NTS: variants seen among roughly 807,000 people sequenced by gnomAD.
NTS encodes the protein neurotensin, also known as neurotensin/neuromedin N.
A neutral mutation model predicts 19.5 loss-of-function variants in NTS; 20 were observed. That is an observed-to-expected ratio of 1.02 (90% CI 0.72 to 1.49). The LOEUF (loss-of-function observed/expected upper bound fraction) is 1.49. NTS is among the 40% of genes most tolerant of loss of function. The pLI is 0.00. For synonymous variants in NTS, 71 were observed against 63.3 expected, an observed-to-expected ratio of 1.12 and a Z score of -0.58; for missense variants, 215 against 193.1, an observed-to-expected ratio of 1.11 and a Z score of -0.67.
chr12:85,877,168 G>A (rs907979574), intron 2 of NTS, among the ~76,000 whole-genome samples: 2 of 152,106 alleles, frequency 1.3e-5, no homozygotes, highest in Non-Finnish European at 2.9e-5. Context: ...TGGTAAGCAG[G>A]AGCATTGAGA....
At chr12:85,877,894 C>T (rs1565770093) in intron 2 of NTS, 2 of 152,326 alleles carry the variant, frequency 1.3e-5, no homozygotes, top group Admixed American at 1.3e-4. Context: ...CTACCCATAA[C>T]AATTATTAAT....
At chr12:85,875,838 G>A (rs912176270) in intron 1 of NTS, among the ~76,000 whole-genome samples, 1 of 151,932 alleles carries the variant, frequency 6.6e-6, no homozygotes, top group Non-Finnish European at 1.5e-5. Flanking sequence ...TTCTCCAATT[G>A]TGGCATTTCT....
rs1018773322 is a variant in NTS, at chr12:85,874,325, G to C, written c.-79G>C. On this transcript the variant is annotated 5_prime_UTR_variant, in exon 1 of 4. Coordinates refer to ENST00000256010, the MANE Select transcript of NTS (RefSeq NM_006183.5). ...TCACTCACTTTCAAAGCCAGCTGAA[G>C]GAAAGAGGAAGTGCTAGAGAGAGCC... 3.1e-6 allele frequency: 3 copies of C among 978,146 alleles called. No individual in the cohort carries two copies. The highest frequency in any genetic ancestry group is 5.0e-6 in the Non-Finnish European group (3 of 605,452). The allele number at this position is 978,146 out of a possible 1,614,324, so 60.6% of individuals were successfully genotyped here.
intron 3 of NTS, among the ~76,000 whole-genome samples, chr12:85,881,133 A>C (rs1881493546): frequency 6.6e-6 from 1 of 152,318 alleles, no homozygotes; most frequent in African/African-American, 2.4e-5. Flanking sequence ...GATTTAAAAT[A>C]AAATGATAAT....
chr12:85,880,211 A>G (rs1881471143), intron 3 of NTS, among the ~76,000 whole-genome samples: 1 of 152,052 alleles, frequency 6.6e-6, no homozygotes, highest in South Asian at 2.1e-4. Context: ...TGTACTTGCA[A>G]AATGCTTTAC....
intron 1 of NTS, among the ~76,000 whole-genome samples, chr12:85,876,242 T>A (rs1172437531): frequency 6.6e-6 from 1 of 151,954 alleles, no homozygotes; most frequent in Non-Finnish European, 1.5e-5. Context: ...ATAGTCTTCA[T>A]TATGTTGTGT....
In NTS at chr12:85,874,373, T is replaced by G; in HGVS notation, c.-31T>G. 6.3e-7 allele frequency: 1 copy of G among 1,574,948 alleles called. No homozygotes were observed. The highest frequency in any genetic ancestry group is 1.3e-5 in the African/African-American group (1 of 74,378). ...GCCCCCTTCAGTGTGCTTCTGACTT[T>G]TACGGACTTGGCTTGTTAGAAGGCT... On this transcript the variant is annotated 5_prime_UTR_variant, in exon 1 of 4. Transcript: ENST00000256010.
chr12:85,877,671 G>A (rs1881377589), intron 2 of NTS, among the ~76,000 whole-genome samples: 1 of 151,982 alleles, frequency 6.6e-6, no homozygotes, highest in African/African-American at 2.4e-5. Context: ...GCCCCGGTGT[G>A]GGTTGTTCCC....
intron 1 of NTS, among the ~76,000 whole-genome samples, chr12:85,876,296 G>A (rs1881342247): frequency 6.6e-6 from 1 of 151,814 alleles, no homozygotes; most frequent in African/African-American, 2.4e-5. Context: ...GTAAACTGTG[G>A]CTGGTAAGAA....
Position 85,876,535 on chromosome 12 carries a change from G to A in NTS, c.74-105G>A, listed in dbSNP as rs1881348318. The stretch of plus-strand genomic sequence containing the variant: ...TATTTTTAAGAAAATACATAAGAAA[G>A]ACACTAACCTCTAAGATTTTTTTTT... On this transcript the variant is annotated intron_variant, in intron 1 of 3. Transcript: ENST00000256010. 3 of 539,560 alleles carry A rather than the reference G, an allele frequency of 5.6e-6. No individual in the cohort carries two copies. The South Asian group carries it at 1.4e-4, about 26-fold the overall frequency. 33.4% of individuals were successfully genotyped at this position (539,560 alleles called of 1,614,324 possible).
At chr12:85,882,124 T>G in intron 3 of NTS, 99 bp from the exon 4 acceptor site, 1 of 942,382 alleles carries the variant, frequency 1.1e-6, no homozygotes, top group Non-Finnish European at 1.6e-6. Context: ...TACATATGTC[T>G]TGCTGTCTTA....
chr12:85,880,807 C>A (rs1033018777), intron 3 of NTS, among the ~76,000 whole-genome samples: 2 of 152,012 alleles, frequency 1.3e-5, no homozygotes, highest in African/African-American at 2.4e-5. Flanking sequence ...AAAAAATTAG[C>A]CGGGCGTAGT....
chr12:85,878,252 GACCCTAA>G, intron 2 of NTS, 86 bp from the exon 3 acceptor site: 1 of 835,970 alleles, frequency 1.2e-6, no homozygotes, highest in South Asian at 1.9e-5. Flanking sequence ...GTAGCAATTA[GACCCTAA>G]ATGTGATGGT....
At chr12:85,877,820 G>C (rs1459991592) in intron 2 of NTS, among the ~76,000 whole-genome samples, 1 of 151,960 alleles carries the variant, frequency 6.6e-6, no homozygotes, top group African/African-American at 2.4e-5. Flanking sequence ...TTGGTGTCTT[G>C]GTATAGGTTT....
At chr12:85,880,185 A>G (rs1881470357) in intron 3 of NTS, among the ~76,000 whole-genome samples, 1 of 151,998 alleles carries the variant, frequency 6.6e-6, no homozygotes, top group Non-Finnish European at 1.5e-5. Flanking sequence ...TACACACAAA[A>G]CTTAGTGTGT....
chr12:85,877,741 C>T, intron 2 of NTS, among the ~76,000 whole-genome samples: 1 of 152,036 alleles, frequency 6.6e-6, no homozygotes, highest in East Asian at 1.9e-4. Context: ...ATGGCTACAA[C>T]CTCTTCAGTT....
At chr12:85,878,609 C>T in intron 3 of NTS, 40 bp downstream of exon 3, 1 of 1,123,440 alleles carries the variant, frequency 8.9e-7, no homozygotes, top group Admixed American at 2.4e-5. Context: ...TATAGTTACA[C>T]TAGTTAGCTC....
At chr12:85,882,119 A>G in intron 3 of NTS, 104 bp from the exon 4 acceptor site, 1 of 880,830 alleles carries the variant, frequency 1.1e-6, no homozygotes, top group Non-Finnish European at 1.8e-6. Flanking sequence ...TCACCTACAT[A>G]TGTCTTGCTG....
At chr12:85,878,601 T>G in intron 3 of NTS, 32 bp downstream of exon 3, 1 of 1,215,504 alleles carries the variant, frequency 8.2e-7, no homozygotes, top group Non-Finnish European at 1.2e-6. Context: ...AATATGATTA[T>G]AGTTACACTA....
Sources: allele counts gnomAD v4.1 joint callset (sites outside exome capture counted in the v4.1 genomes callset), GRCh38; gene constraint gnomAD v4.1.1; transcripts MANE v1.5; gene names NCBI Gene and HGNC (gene_info 2026-07-23, HGNC 2026-07-21).